Variants in SLFN12L observed in about 807,000 individuals in gnomAD.
The protein encoded by SLFN12L is schlafen family member 12-like.
In SLFN12L, 34 loss-of-function variants were observed where a neutral mutation model predicts 34.8. That is an observed-to-expected ratio of 0.98 (90% CI 0.74 to 1.30). SLFN12L has a LOEUF of 1.30. Among genes scored for constraint, SLFN12L ranks in the 50% most tolerant of loss-of-function variants. The pLI is 0.00. For missense variants in SLFN12L, 703 were observed against 696.2 expected (o/e 1.01, Z -0.11); for synonymous variants, 259 against 247.5 (o/e 1.05, Z -0.44).
At chr17:35,528,615 G>T (rs1023582671) in intron 1 of SLFN12L, among the ~76,000 whole-genome samples, 1 of 152,122 alleles carries the variant, frequency 6.6e-6, no homozygotes, top group Non-Finnish European at 1.5e-5. Context: ...TTCAATAAAT[G>T]GTGTTGGGAA....
intron 2 of SLFN12L, among the ~76,000 whole-genome samples, chr17:35,519,300 T>C (rs145299911): frequency 6.7e-4 from 102 of 152,254 alleles, no homozygotes; most frequent in Non-Finnish European, 1.1e-3. Context: ...GGCACATGTA[T>C]ACCTATGTAA....
chr17:35,504,349 C>T (rs186861955), intron 2 of SLFN12L, among the ~76,000 whole-genome samples: 117 of 152,216 alleles, frequency 7.7e-4, no homozygotes, highest in African/African-American at 2.7e-3. Flanking sequence ...GATGGACTGC[C>T]CCAACCGGTT....
Position 35,479,931 on chromosome 17 carries a change from T to C in SLFN12L, c.351A>G (p.Ile117Met), listed in dbSNP as rs765822490. 14 of 1,614,024 alleles carry C rather than the reference T, an allele frequency of 8.7e-6. No homozygotes were observed. The highest frequency in any genetic ancestry group is 1.2e-5 in the Non-Finnish European group (14 of 1,180,004). The part of the protein sequence containing the change: ...NKGYSYKKDG[I>M]GLDLENSFSN... ...TAAAAGAATTTTCCAAATCTAGCCC[T>C]ATTCCATCTTTTTTATAACTATAGC... Residue 117 changes from isoleucine to methionine, a missense_variant, in exon 3 of 5, where the codon ATA (isoleucine) becomes ATG (methionine). Ile to Met is a conservative substitution (Grantham distance 10). Coordinates refer to ENST00000628453, the MANE Select transcript of SLFN12L (RefSeq NM_001363830.2).
intron 1 of SLFN12L, among the ~76,000 whole-genome samples, chr17:35,530,182 C>A (rs558432412): frequency 1.1e-3 from 159 of 141,068 alleles, no homozygotes; most frequent in African/African-American, 3.8e-3. Flanking sequence ...CCCGTCTCTA[C>A]GAAAAATACA....
intron 2 of SLFN12L, among the ~76,000 whole-genome samples, chr17:35,496,595 C>A (rs752069004): frequency 3.3e-5 from 5 of 150,934 alleles, no homozygotes; most frequent in Non-Finnish European, 5.9e-5. Context: ...CTGGAAGGAG[C>A]GGGGCGGAAG....
At chr17:35,529,027 G>A (rs182174250) in intron 1 of SLFN12L, among the ~76,000 whole-genome samples, 12 of 152,150 alleles carry the variant, frequency 7.9e-5, no homozygotes, top group Admixed American at 2.6e-4. Context: ...TCAAAAAGTG[G>A]GCAAAGGATA....
At chr17:35,502,014 G>A (rs1264745834) in intron 2 of SLFN12L, among the ~76,000 whole-genome samples, 1 of 151,544 alleles carries the variant, frequency 6.6e-6, no homozygotes, top group Non-Finnish European at 1.5e-5. Flanking sequence ...AGAAAGAGAA[G>A]CAGAGAGAGA....
intron 1 of SLFN12L, among the ~76,000 whole-genome samples, chr17:35,531,268 C>G (rs950703668): frequency 6.6e-6 from 1 of 152,036 alleles, no homozygotes; most frequent in African/African-American, 2.4e-5. Context: ...TTTTCACTAG[C>G]ATCTTTATTA....
rs536860288 is a variant in SLFN12L, at chr17:35,468,740, C to G, written c.*6183G>C. Among the ~76,000 whole-genome samples the G allele has an allele frequency of 6.6e-6, 1 of 152,260 alleles. No individual in the cohort carries two copies. The highest frequency in any genetic ancestry group is 1.9e-4 in the East Asian group (1 of 5,178). On this transcript the variant is annotated 3_prime_UTR_variant, in exon 5 of 5. Coordinates refer to ENST00000628453, the MANE Select transcript of SLFN12L (RefSeq NM_001363830.2). ...CGTCATTCTAAGAATTAATGGAGGG[C>G]CAAGCACAGTGACTCATGCCTATAA... is the stretch of plus-strand genomic sequence containing the variant.
At chr17:35,498,171 G>C in intron 2 of SLFN12L, 1 of 314,538 alleles carries the variant, frequency 3.2e-6, no homozygotes, top group Non-Finnish European at 6.3e-6. Flanking sequence ...TCTCGATCCG[G>C]GAGGCGGCGG....
At chr17:35,499,228 G>C (rs1915205464) in intron 2 of SLFN12L, 3 of 901,812 alleles carry the variant, frequency 3.3e-6, no homozygotes, top group African/African-American at 3.4e-5. Flanking sequence ...AATTTGCTTA[G>C]AATGTCCTTA....
rs1913837467 is a variant in SLFN12L, at chr17:35,473,255, T to G, written c.*1668A>C. 6.6e-6 allele frequency among the ~76,000 whole-genome samples: 1 copy of G among 152,214 alleles called. No individual in the cohort carries two copies. Among genetic ancestry groups the G allele is most frequent in the Non-Finnish European group, 1.5e-5 (1 of 68,034 alleles). Reference sequence around the variant, plus strand: ...ATTTTCAAAGGGAATGCTTCCAGGTTTTGCCCATTCAGTATGATATTGGCT... The same window carrying G: ...ATTTTCAAAGGGAATGCTTCCAGGTGTTGCCCATTCAGTATGATATTGGCT... On this transcript the variant is annotated 3_prime_UTR_variant, in exon 5 of 5. Coordinates refer to ENST00000628453, the MANE Select transcript of SLFN12L (RefSeq NM_001363830.2).
rs762680700 is a variant in SLFN12L at position 35,465,489 on chromosome 17, A to G, written c.*9434T>C. On this transcript the variant is annotated 3_prime_UTR_variant, in exon 5 of 5. Transcript: ENST00000628453. Reference sequence around the variant, plus strand: ...TTTTTGGCACTCAAAAATTGGCTTGATAAAATAGGATTATATAAATCCCAT... The same window carrying G: ...TTTTTGGCACTCAAAAATTGGCTTGGTAAAATAGGATTATATAAATCCCAT... 6.6e-6 allele frequency among the ~76,000 whole-genome samples: 1 copy of G among 152,122 alleles called. No individual in the cohort carries two copies. Among genetic ancestry groups the G allele is most frequent in the Non-Finnish European group, 1.5e-5 (1 of 68,036 alleles).
intron 2 of SLFN12L, among the ~76,000 whole-genome samples, chr17:35,491,836 C>T (rs975084068): frequency 1.3e-5 from 2 of 152,226 alleles, no homozygotes; most frequent in Non-Finnish European, 2.9e-5. Flanking sequence ...AGTAGGAGGT[C>T]AAGAAGATCT....
At chr17:35,488,994 G>C (rs751069289) in intron 2 of SLFN12L, among the ~76,000 whole-genome samples, 3 of 151,972 alleles carry the variant, frequency 2.0e-5, no homozygotes, top group Admixed American at 2.0e-4. Flanking sequence ...CTCTTGAACC[G>C]GGGAGGCGGA....
rs941282715 is a variant in SLFN12L, at chr17:35,466,502, C to T, written c.*8421G>A. ...CTCTGGGAGCACAGATATGATATTA[C>T]ATTAATAACCTCCTCCAAGGAGATG... On this transcript the variant is annotated 3_prime_UTR_variant, in exon 5 of 5. Transcript: ENST00000628453. 6.6e-6 allele frequency among the ~76,000 whole-genome samples: 1 copy of T among 152,196 alleles called. No homozygotes were observed. Among genetic ancestry groups the T allele is most frequent in the African/African-American group, 2.4e-5 (1 of 41,450 alleles).
chr17:35,479,750 C>T lies in SLFN12L; in HGVS notation c.532G>A (p.Val178Ile), dbSNP rs1242771643. Residue 178 changes from valine (V) to isoleucine (I), a missense_variant, in exon 3 of 5, where the codon GTC (valine) becomes ATC (isoleucine). Coordinates refer to ENST00000628453, the MANE Select transcript of SLFN12L (RefSeq NM_001363830.2). ...LYKRDVTSAK[V>I]MNASAALEFL... ...TCCAGTGCAGCAGAAGCATTCATGA[C>T]TTTTGCAGACGTTACATCTCTCTTG... The T allele has an allele frequency of 6.2e-7, 1 of 1,614,114 alleles. No homozygotes were observed. Among genetic ancestry groups the T allele is most frequent in the Middle Eastern group, 1.6e-4 (1 of 6,062 alleles).
Position 35,522,532 on chromosome 17 carries a change from C to T in SLFN12L, c.-168G>A. On this transcript the variant is annotated 5_prime_UTR_variant, in exon 2 of 5. Transcript: ENST00000628453. ...AAGAGAGACCTGAAGCCGAGCAAGA[C>T]AATCACGAGGGACTGCAGCAGGGCT... The T allele has an allele frequency of 6.2e-7, 1 of 1,612,138 alleles. No individual in the cohort carries two copies. The highest frequency in any genetic ancestry group is 8.5e-7 in the Non-Finnish European group (1 of 1,179,012).
At chr17:35,520,670 C>T (rs1289078695) in intron 2 of SLFN12L, among the ~76,000 whole-genome samples, 6 of 151,954 alleles carry the variant, frequency 3.9e-5, no homozygotes, top group African/African-American at 1.2e-4. Context: ...TGCTTGAACC[C>T]AGGAGGCAGC....
Sources: gnomAD v4.1 joint callset for allele counts (sites outside exome capture counted in the v4.1 genomes callset) on GRCh38, gnomAD v4.1.1 for gene constraint, MANE v1.5 for transcripts, NCBI Gene and HGNC (gene_info 2026-07-23, HGNC 2026-07-21) for gene names.